Variants in SCRIB observed in about 807,000 individuals in gnomAD.
The protein encoded by SCRIB is scribble planar cell polarity protein.
A neutral mutation model predicts 170.0 loss-of-function variants in SCRIB; 72 were observed. That is an observed-to-expected ratio of 0.42 (90% CI 0.35 to 0.52). SCRIB has a LOEUF of 0.52. SCRIB is among the 20% of genes least tolerant of loss of function. The pLI, the probability that SCRIB is intolerant of heterozygous loss-of-function variation, is 0.02. For missense variants in SCRIB, 2,475 were observed against 2,338.5 expected, an observed-to-expected ratio of 1.06 and a Z score of -1.20; for synonymous variants, 1,298 against 1,044.3, an observed-to-expected ratio of 1.24 and a Z score of -4.68.
Position 143,791,573 on chromosome 8 carries a change from C to T in SCRIB, c.4770+93G>A, listed in dbSNP as rs782706879. 7.7e-5 allele frequency: 118 copies of T among 1,533,712 alleles called. No individual in the cohort carries two copies. The Admixed American group carries it at 1.1e-3, about 14-fold the overall frequency. ...GAGGGGGGGTGAAGAGGCAGGGCCA[C>T]GGCAGAGCGTGGGGAGGCCCTGCGG... On this transcript the variant is annotated intron_variant, in intron 35 of 36. Coordinates refer to ENST00000356994, the MANE Select transcript of SCRIB (RefSeq NM_182706.5).
rs775865707 is a variant in SCRIB at position 143,811,578 on chromosome 8, A to G, written c.907-233T>C. The stretch of plus-strand genomic sequence containing the variant: ...TCAGCCTTCAGTCCCCACCACCAAA[A>G]CACCCCACCAGGTCATCCCTGACCC... On this transcript the variant is annotated intron_variant, in intron 9 of 36. Coordinates refer to ENST00000356994, the MANE Select transcript of SCRIB (RefSeq NM_182706.5). Among the ~76,000 whole-genome samples the G allele has an allele frequency of 3.2e-4, 49 of 151,814 alleles. 1 individual carries two copies. Among genetic ancestry groups the G allele is most frequent in the Non-Finnish European group, 7.4e-5 (5 of 67,936 alleles).
intron 28 of SCRIB, chr8:143,793,641 TG>T: frequency 2.2e-6 from 1 of 462,254 alleles, no homozygotes; most frequent in South Asian, 4.4e-5. Flanking sequence ...AGACACTGAC[TG>T]GGGTCTCAGG....
chr8:143,815,038 G>A (rs1287160741), intron 1 of SCRIB, 176 bp downstream of exon 1: 31 of 699,712 alleles, frequency 4.4e-5, no homozygotes, highest in African/African-American at 5.7e-5. Flanking sequence ...GCTGCCACCT[G>A]CGCCAGCCAG....
intron 17 of SCRIB, 99 bp downstream of exon 17, chr8:143,806,825 G>T: frequency 1.1e-6 from 1 of 877,576 alleles, no homozygotes; most frequent in Non-Finnish European, 1.8e-6. Context: ...TCCCCAGAGC[G>T]TGTGAGTGTT....
chr8:143,792,904 C>A, intron 29 of SCRIB, 37 bp from the exon 30 acceptor site: 1 of 1,501,782 alleles, frequency 6.7e-7, no homozygotes, highest in East Asian at 2.3e-5. Flanking sequence ...GCTGGCATTC[C>A]TCCGAGATAC....
At position 143,803,551 on chromosome 8, in the gene SCRIB, G is replaced by A. The variant is rs374072997; in HGVS notation, c.3435C>T (p.Ala1145=). 21 of 1,603,416 alleles carry A rather than the reference G, an allele frequency of 1.3e-5. No homozygotes were observed. The highest frequency in any genetic ancestry group is 1.6e-5 in the Non-Finnish European group (19 of 1,178,818). Residue 1145 remains alanine (A), a synonymous_variant, in exon 24 of 37, where the codon GCC becomes GCT. Transcript: ENST00000356994. ...FISKVSPTGA[A]GRDGRLRVGL... is the part of the protein sequence containing the mutation. ...CCACACGCAGCCGACCGTCGCGCCC[G>A]GCTGCCCCCGTGGGGCTCACCTGTG...
Position 143,795,077 on chromosome 8 carries a change from G to A in SCRIB, c.3807C>T (p.Arg1269=), listed in dbSNP as rs782559503. The part of the protein sequence containing the change: ...RGLQPLKLDY[R]ALAAVPSAGS... ...CAGCGCTGGGCACGGCGGCCAGGGC[G>A]CGGTAGTCCAGCTTCAGGGGCTGCA... Residue 1269 remains arginine (R), a synonymous_variant, in exon 27 of 37, where the codon CGC becomes CGT. Coordinates refer to ENST00000356994, the MANE Select transcript of SCRIB (RefSeq NM_182706.5). The A allele has an allele frequency of 7.6e-5, 122 of 1,611,212 alleles. 1 individual carries two copies. Among genetic ancestry groups the A allele is most frequent in the South Asian group, 1.8e-4 (16 of 90,988 alleles).
At chr8:143,802,404 A>G (rs782531705) in intron 24 of SCRIB, among the ~76,000 whole-genome samples, 7 of 152,276 alleles carry the variant, frequency 4.6e-5, no homozygotes, top group Non-Finnish European at 8.8e-5. Context: ...GCCGCATCCC[A>G]GAGGCTGTTA....
At chr8:143,793,400 A>C (rs1814799533) in intron 28 of SCRIB, 1 of 282,084 alleles carries the variant, frequency 3.5e-6, no homozygotes, top group East Asian at 5.4e-5. Context: ...GGTTTAAGGC[A>C]AGGGACGGGG....
chr8:143,798,547 G>GT (rs1815041623), intron 24 of SCRIB, among the ~76,000 whole-genome samples: 1 of 152,172 alleles, frequency 6.6e-6, no homozygotes, highest in Admixed American at 6.5e-5. Flanking sequence ...CGATCCTCCT[G>GT]TTTCAGCCTC....
rs376318176 is a variant in SCRIB at position 143,811,087 on chromosome 8, G to A, written c.1107-15C>T. 3.1e-6 allele frequency: 5 copies of A among 1,608,732 alleles called. No homozygotes were observed. Among genetic ancestry groups the A allele is most frequent in the Non-Finnish European group, 4.2e-6 (5 of 1,178,104 alleles). On this transcript the variant is annotated splice_polypyrimidine_tract_variant and intron_variant, in intron 10 of 36. Coordinates refer to ENST00000356994, the MANE Select transcript of SCRIB (RefSeq NM_182706.5). ...GACTCTGCAGGCTGCGGGCCGGGCG[G>A]GCACAGTCAGCAGGCGTTGGGGCCA...
chr8:143,812,180 C>G, intron 9 of SCRIB, 86 bp downstream of exon 9: 1 of 906,722 alleles, frequency 1.1e-6, no homozygotes, highest in East Asian at 2.4e-5. Context: ...ACCAGCACCC[C>G]CCAGCAGCAG....
rs538918517 is a variant in SCRIB at position 143,814,851 on chromosome 8, G to C, written c.159+363C>G. ...ACTCACCCCTGCACCCAGCAAAAAA[G>C]GAGAGGAGGTCTGGACCCACCTCCA... is the stretch of plus-strand genomic sequence containing the variant. On this transcript the variant is annotated intron_variant, in intron 1 of 36. Coordinates refer to ENST00000356994, the MANE Select transcript of SCRIB (RefSeq NM_182706.5). 3.9e-5 allele frequency: 10 copies of C among 255,666 alleles called. 1 individual carries two copies. The highest frequency in any genetic ancestry group is 1.1e-3 in the Middle Eastern group (1 of 886). The allele number at this position is 255,666 out of a possible 1,614,324, so 15.8% of individuals were successfully genotyped here.
intron 9 of SCRIB, among the ~76,000 whole-genome samples, chr8:143,811,564 T>C (rs1275495971): frequency 1.3e-5 from 2 of 152,162 alleles, no homozygotes; most frequent in African/African-American, 4.8e-5. Context: ...CAGCCTTCAG[T>C]CCCCACCACC....
chr8:143,813,366 G>A lies in SCRIB; in HGVS notation c.512C>T (p.Ser171Leu), dbSNP rs1815844356. The A allele has an allele frequency of 1.2e-6, 2 of 1,613,496 alleles. No homozygotes were observed. The highest frequency in any genetic ancestry group is 1.7e-5 in the Admixed American group (1 of 60,010). The change falls in exon 6 of 37, where the codon TCA (serine) becomes TTA (leucine). Residue 171 changes from serine (S) to leucine (L), a missense_variant. Ser to Leu is a moderately radical substitution (Grantham distance 145, BLOSUM62 -2). Transcript: ENST00000356994. ...NLLKSLPASLSFLVKLEQLDL... is the reference protein window; with the variant it reads ...NLLKSLPASLLFLVKLEQLDL... Reference sequence around the variant, plus strand: ...CAGCTGTTCCAGCTTGACCAGAAATGACAGGGACCTGCAGAGGAAGCAGGG... The same window carrying A: ...CAGCTGTTCCAGCTTGACCAGAAATAACAGGGACCTGCAGAGGAAGCAGGG...
Position 143,813,307 on chromosome 8 carries a change from G to A in SCRIB, c.567+4C>T, listed in dbSNP as rs200761852. 8.0e-5 allele frequency: 129 copies of A among 1,613,416 alleles called. No homozygotes were observed. The highest frequency in any genetic ancestry group is 2.9e-4 in the East Asian group (13 of 44,880). The stretch of plus-strand genomic sequence containing the variant: ...GGTCTCTGCCCTGTCAGGCCTCCAC[G>A]CACCAGCACTTCCAGATCGTTGCCT... On this transcript the variant is annotated splice_donor_region_variant and intron_variant, in intron 6 of 36. Coordinates refer to ENST00000356994, the MANE Select transcript of SCRIB (RefSeq NM_182706.5).
rs1454109512 is a variant in SCRIB at position 143,790,978 on chromosome 8, T to TACAA, written c.*181_*184dup. The TACAA allele has an allele frequency of 7.6e-6, 4 of 527,984 alleles. No homozygotes were observed. Among genetic ancestry groups the TACAA allele is most frequent in the East Asian group, 6.9e-5 (2 of 29,110 alleles). 32.7% of individuals were successfully genotyped at this position (527,984 alleles called of 1,614,324 possible). On this transcript the variant is annotated 3_prime_UTR_variant, in exon 37 of 37. Coordinates refer to ENST00000356994, the MANE Select transcript of SCRIB (RefSeq NM_182706.5). ...AACCACAAAATAGAGTCTTTGGTTGTACAAACATCACTAGTTACAGTCTCG... is the reference window on the plus strand; with the variant it reads ...AACCACAAAATAGAGTCTTTGGTTGTACAAACAAACATCACTAGTTACAGTCTCG...
Position 143,806,993 on chromosome 8 carries a change from C to T in SCRIB, c.2199G>A (p.Arg733=). 1 of 1,612,994 alleles carries T rather than the reference C, an allele frequency of 6.2e-7. No homozygotes were observed. ...EEEELTLTIL[R]QTGGLGISIA... ...TGCTGATGCCCAGGCCCCCAGTCTG[C>T]CGCAGGATAGTGAGGGTCAGCTGGA... The change falls in exon 17 of 37, where the codon CGG becomes CGA. Residue 733 remains arginine, a synonymous_variant. Coordinates refer to ENST00000356994, the MANE Select transcript of SCRIB (RefSeq NM_182706.5).
At chr8:143,798,396 A>G (rs948139504) in intron 24 of SCRIB, among the ~76,000 whole-genome samples, 5 of 92,014 alleles carry the variant, frequency 5.4e-5, no homozygotes, top group Admixed American at 1.2e-4. Flanking sequence ...TGTACGTCCC[A>G]GGCAGGGTGA....
Sources: gnomAD v4.1 joint callset for allele counts (sites outside exome capture counted in the v4.1 genomes callset) on GRCh38, gnomAD v4.1.1 for gene constraint, MANE v1.5 for transcripts, NCBI Gene and HGNC (gene_info 2026-07-23, HGNC 2026-07-21) for gene names.